The following ZNF529 variants were observed in gnomAD, a reference collection of about 807,000 sequenced individuals.
ZNF529 encodes the protein zinc finger protein 529.
In ZNF529, 11 loss-of-function variants were observed where a neutral mutation model predicts 10.1. The observed-to-expected ratio is 1.09, with a 90% CI of 0.69 to 1.81. The LOEUF (loss-of-function observed/expected upper bound fraction) is 1.81, where lower values mean the gene tolerates loss of function less well. Among genes scored for constraint, ZNF529 ranks in the 40% most tolerant of loss-of-function variants. The pLI, the probability that ZNF529 is intolerant of heterozygous loss-of-function variation, is 0.00. For missense variants in ZNF529, 624 were observed against 666.8 expected, an observed-to-expected ratio of 0.94 and a Z score of 0.71; for synonymous variants, 204 against 215.7, an observed-to-expected ratio of 0.95 and a Z score of 0.47.
intron 2 of ZNF529, among the ~76,000 whole-genome samples, chr19:36,561,841 TA>T (rs2035709811): frequency 6.6e-6 from 1 of 152,264 alleles, no homozygotes; most frequent in Non-Finnish European, 1.5e-5. Flanking sequence ...CAAAGATGAT[TA>T]TTCTCCAGGC....
At chr19:36,570,488 T>C (rs1032642926) in intron 2 of ZNF529, among the ~76,000 whole-genome samples, 20 of 152,174 alleles carry the variant, frequency 1.3e-4, no homozygotes, top group Non-Finnish European at 2.9e-5. Flanking sequence ...ATTCGCACAT[T>C]GTTGCTGGGA....
intron 4 of ZNF529, among the ~76,000 whole-genome samples, chr19:36,553,133 C>T (rs1473174457): frequency 2.0e-5 from 3 of 152,064 alleles, no homozygotes; most frequent in South Asian, 2.1e-4. Flanking sequence ...TTAAACAAGT[C>T]CTTTTTTTAT....
upstream of ZNF529, chr19:36,577,063 C>T (rs1319757062): frequency 6.0e-5 from 23 of 381,862 alleles, no homozygotes; most frequent in Admixed American, 6.2e-4. Flanking sequence ...AGTGACTCTC[C>T]CATTTCAGTC....
rs372436306 is a variant in ZNF529 at position 36,591,940 on chromosome 19, T to G, written c.-127-2239A>C. ...GATAAAGATATTACAAGGAAAGAAA[T>G]GACAGACCAAAAACCTCATGCAAAA... On this transcript the variant is annotated intron_variant, in intron 1 of 4. Transcript: ENST00000585960. Among the ~76,000 whole-genome samples, 283 of 151,860 alleles carry G rather than the reference T, an allele frequency of 1.9e-3. 3 individuals carry two copies. Among genetic ancestry groups the G allele is most frequent in the African/African-American group, 6.3e-3 (262 of 41,428 alleles).
At chr19:36,558,308 T>G (rs543351529) in intron 2 of ZNF529, among the ~76,000 whole-genome samples, 1 of 152,136 alleles carries the variant, frequency 6.6e-6, no homozygotes, top group East Asian at 1.9e-4. Context: ...AACATTAAAC[T>G]GCACATCCAG....
chr19:36,582,883 A>C (rs1328707893), intron 2 of ZNF529, among the ~76,000 whole-genome samples: 2 of 152,172 alleles, frequency 1.3e-5, no homozygotes, highest in East Asian at 3.8e-4. Context: ...CAGGAATAAA[A>C]ATGAAGATGC....
At chr19:36,586,952 C>T (rs950508594) in intron 2 of ZNF529, among the ~76,000 whole-genome samples, 5 of 152,290 alleles carry the variant, frequency 3.3e-5, no homozygotes, top group African/African-American at 1.2e-4. Flanking sequence ...TTACTTCTAT[C>T]AGCATAAAGG....
intron 1 of ZNF529, among the ~76,000 whole-genome samples, chr19:36,595,478 C>T (rs1414637898): frequency 1.3e-5 from 2 of 152,086 alleles, no homozygotes; most frequent in Admixed American, 6.6e-5. Context: ...GGTGGGAGGA[C>T]TGAGGCCAAG....
intron 4 of ZNF529, among the ~76,000 whole-genome samples, chr19:36,550,323 A>C (rs990801370): frequency 7.2e-5 from 11 of 152,200 alleles, no homozygotes; most frequent in African/African-American, 2.7e-4. Flanking sequence ...TGTGCGGATC[A>C]CTTGAGGTCA....
chr19:36,557,427 A>G (rs186931336), intron 2 of ZNF529, among the ~76,000 whole-genome samples: 3 of 152,294 alleles, frequency 2.0e-5, no homozygotes, highest in Admixed American at 2.0e-4. Context: ...ACTTACAATC[A>G]TGGCAGACGG....
chr19:36,563,080 C>T (rs951591933), intron 2 of ZNF529, among the ~76,000 whole-genome samples: 3 of 152,054 alleles, frequency 2.0e-5, no homozygotes, highest in Admixed American at 2.0e-4. Flanking sequence ...CATTTCTGTT[C>T]TTTATAAATC....
At position 36,546,059 on chromosome 19, in the gene ZNF529, G is replaced by GTATATATATATATATATATATATATA. The variant is rs375987417; in HGVS notation, c.*806_*807insTATATATATATATATATATATATATA. 4.5e-4 allele frequency: 56 copies of GTATATATATATATATATATATATATA among 125,340 alleles called. No homozygotes were observed. Among genetic ancestry groups the GTATATATATATATATATATATATATA allele is most frequent in the East Asian group, 9.1e-4 (4 of 4,394 alleles). The allele number at this position is 125,340 out of a possible 1,614,324, so 7.8% of individuals were successfully genotyped here. On this transcript the variant is annotated 3_prime_UTR_variant, in exon 5 of 5. Transcript: ENST00000591340. ...ATATACATATATTGTGTGTGTGTGT[G>GTATATATATATATATATATATATATA]TGTATATATATATATATATATAGTG...
intron 1 of ZNF529, among the ~76,000 whole-genome samples, chr19:36,590,693 G>A (rs1419193951): frequency 1.3e-5 from 2 of 152,148 alleles, no homozygotes; most frequent in African/African-American, 2.4e-5. Context: ...ACTTTGGGAG[G>A]CCGAGGCGGG....
At position 36,547,329 on chromosome 19, in the gene ZNF529, G is replaced by A. The variant is rs1224497448; in HGVS notation, c.1229C>T (p.Thr410Ile). ...GKVFRNSSSLTRHQRIHTGEK... is the reference protein window; with the variant it reads ...GKVFRNSSSLIRHQRIHTGEK... Reference sequence around the variant, plus strand: ...ACCAGTATGAATCCTCTGATGTCTAGTCAGGGATGAACTATTTCTAAAGAC... The same window carrying A: ...ACCAGTATGAATCCTCTGATGTCTAATCAGGGATGAACTATTTCTAAAGAC... Residue 410 changes from threonine to isoleucine, a missense_variant, in exon 5 of 5, where the codon ACT (threonine) becomes ATT (isoleucine). Coordinates refer to ENST00000591340, the MANE Select transcript of ZNF529 (RefSeq NM_020951.5). The A allele has an allele frequency of 4.3e-6, 7 of 1,613,764 alleles. No homozygotes were observed. Among genetic ancestry groups the A allele is most frequent in the Non-Finnish European group, 5.9e-6 (7 of 1,179,942 alleles).
At position 36,547,950 on chromosome 19, in the gene ZNF529, T is replaced by C. The variant is rs139952690; in HGVS notation, c.608A>G (p.Gln203Arg). The C allele has an allele frequency of 1.2e-5, 20 of 1,612,546 alleles. No individual in the cohort carries two copies. In the South Asian group the frequency reaches 2.1e-4, roughly 17 times the overall value. ...ATCTATCCCAAAGGTTTTCCAACAT[T>C]GATTACATTCATAGTTTTTTCCACC... ...HTGGKNYECNQCWKTFGIDNS... is the reference protein window; with the variant it reads ...HTGGKNYECNRCWKTFGIDNS... The change falls in exon 5 of 5, where the codon CAA becomes CGA. Residue 203 changes from glutamine to arginine, a missense_variant. Transcript: ENST00000591340.
intron 2 of ZNF529, among the ~76,000 whole-genome samples, chr19:36,569,502 T>C (rs966352618): frequency 6.6e-5 from 10 of 152,044 alleles, no homozygotes; most frequent in African/African-American, 2.4e-4. Context: ...TGGTGGCTCA[T>C]GCCTGTAATC....
intron 1 of ZNF529, chr19:36,589,818 T>C (rs1190611150): frequency 6.6e-6 from 1 of 152,170 alleles, no homozygotes; most frequent in Non-Finnish European, 1.5e-5. Context: ...ACATGTCCTT[T>C]TCAAGTGCAC....
At chr19:36,598,222 C>T (rs930408877) in intron 1 of ZNF529, among the ~76,000 whole-genome samples, 11 of 152,070 alleles carry the variant, frequency 7.2e-5, no homozygotes, top group Non-Finnish European at 1.3e-4. Flanking sequence ...TTTAAGACTA[C>T]TTCTTGGCTG....
intron 2 of ZNF529, among the ~76,000 whole-genome samples, chr19:36,584,879 T>C (rs985990742): frequency 2.6e-5 from 4 of 152,128 alleles, no homozygotes; most frequent in African/African-American, 9.7e-5. Flanking sequence ...AAGAGTAACT[T>C]CCGATAGTAA....
Sources: allele counts gnomAD v4.1 joint callset (sites outside exome capture counted in the v4.1 genomes callset), GRCh38; gene constraint gnomAD v4.1.1; transcripts MANE v1.5; gene names NCBI Gene and HGNC (gene_info 2026-07-23, HGNC 2026-07-21).